The following MACF1 variants were observed in gnomAD, a reference collection of about 807,000 sequenced individuals.
The protein encoded by MACF1 is microtubule actin crosslinking factor 1, also known as microtubule-actin cross-linking factor 1.
In MACF1, 193 loss-of-function variants were observed where a neutral mutation model predicts 854.8. That is an observed-to-expected ratio of 0.23 (90% CI 0.20 to 0.25). MACF1 has a LOEUF of 0.25. MACF1 is among the 10% of genes least tolerant of loss of function. The pLI is 1.00. For missense variants in MACF1, 7,722 were observed against 8,929.1 expected (o/e 0.86, Z 5.45); for synonymous variants, 3,185 against 3,226.7 (o/e 0.99, Z 0.44).
intron 49 of MACF1, among the ~76,000 whole-genome samples, chr1:39,363,102 A>G (rs969413291): frequency 7.2e-5 from 11 of 152,172 alleles, no homozygotes; most frequent in Admixed American, 3.9e-4. Context: ...ATGACCCACT[A>G]TGTACTGTGT....
chr1:39,290,665 CTTTT>C (rs71060307), intron 15 of MACF1, among the ~76,000 whole-genome samples: 4 of 59,380 alleles, frequency 6.7e-5, no homozygotes, highest in Admixed American at 6.0e-4. Context: ...GTTGATGTAA[CTTTT>C]TTTTTTTTTT....
In MACF1 at chr1:39,105,083, C is replaced by G. The variant is rs1009573965; in HGVS notation, c.220+20645C>G. Among the ~76,000 whole-genome samples the G allele has an allele frequency of 6.6e-6, 1 of 152,178 alleles. No individual in the cohort carries two copies. The highest frequency in any genetic ancestry group is 2.4e-5 in the African/African-American group (1 of 41,472). On this transcript the variant is annotated intron_variant, in intron 2 of 93. Coordinates refer to the MACF1 transcript ENST00000361689. The surrounding 1 kb of genome is among the most constrained non-coding windows in gnomAD (Gnocchi z 5.9). ...TCTCCCTGCCGTTCGGCCGGCCCAG[C>G]CTTTCATCCTGACGCGCGGGGCCTC...
At chr1:39,463,127 A>T (rs1377846654) in intron 93 of MACF1, among the ~76,000 whole-genome samples, 2 of 152,210 alleles carry the variant, frequency 1.3e-5, no homozygotes, top group African/African-American at 4.8e-5. Context: ...TTCACTTAGT[A>T]AGAAGAACAT....
At chr1:39,441,350 A>G in intron 74 of MACF1, 25 bp downstream of exon 74, 1 of 1,571,980 alleles carries the variant, frequency 6.4e-7, no homozygotes. Flanking sequence ...GGTGACCACC[A>G]AGGAAATACA....
At chr1:39,213,643 A>G (rs1644542501) in intron 1 of MACF1, among the ~76,000 whole-genome samples, 1 of 152,194 alleles carries the variant, frequency 6.6e-6, no homozygotes, top group African/African-American at 2.4e-5. Flanking sequence ...AGTCTCACTC[A>G]GGGAATTTAA....
At chr1:39,365,832 C>G (rs1293670105) in intron 49 of MACF1, among the ~76,000 whole-genome samples, 3 of 152,064 alleles carry the variant, frequency 2.0e-5, no homozygotes, top group South Asian at 4.2e-4. Flanking sequence ...CCTGCCACCA[C>G]GCCTGGCTAA....
At chr1:39,361,810 G>T in intron 49 of MACF1, 133 bp downstream of exon 49, 1 of 826,430 alleles carries the variant, frequency 1.2e-6, no homozygotes, top group Non-Finnish European at 1.9e-6. Flanking sequence ...AATTATTACA[G>T]TGATCCCGTA....
At chr1:39,186,532 A>G (rs1319025013) in intron 2 of MACF1, among the ~76,000 whole-genome samples, 2 of 152,088 alleles carry the variant, frequency 1.3e-5, no homozygotes, top group Non-Finnish European at 1.5e-5. Context: ...ATAACATTAA[A>G]TCAAAATTAT....
chr1:39,325,406 G>A (rs1646590924), intron 35 of MACF1, among the ~76,000 whole-genome samples: 1 of 152,190 alleles, frequency 6.6e-6, no homozygotes, highest in South Asian at 2.1e-4. Context: ...AGTATGGTGA[G>A]GAGCACATTG....
chr1:39,158,391 GCTGTATTC>G (rs1643731840), intron 2 of MACF1, among the ~76,000 whole-genome samples: 1 of 152,170 alleles, frequency 6.6e-6, no homozygotes, highest in African/African-American at 2.4e-5. Flanking sequence ...CTGTTGTGTG[GCTGTATTC>G]CAGTCCGTAA....
chr1:39,317,000 C>T (rs1183988117), intron 28 of MACF1, among the ~76,000 whole-genome samples: 1 of 152,224 alleles, frequency 6.6e-6, no homozygotes, highest in Non-Finnish European at 1.5e-5. Context: ...ATGCACATTT[C>T]TCTATAGAGT....
In MACF1 at chr1:39,340,613, G is replaced by T; in HGVS notation, c.10327G>T (p.Ala3443Ser). Reference sequence around the variant, plus strand: ...AGAAGTTCCTGCTCAACTGTTGAAGGCTCTAGAGAAAGATGCCAAGAATCT... The same window carrying T: ...AGAAGTTCCTGCTCAACTGTTGAAGTCTCTAGAGAAAGATGCCAAGAATCT... ...PQEVPAQLLK[A>S]LEKDAKNLQK... The change falls in exon 39 of 101, where the codon GCT (alanine) becomes TCT (serine). Residue 3443 changes from alanine to serine, a missense_variant. Physicochemically the swap from Ala to Ser is moderately conservative, Grantham distance 99. Coordinates refer to ENST00000564288, the MANE Select transcript of MACF1 (RefSeq NM_001394062.1). The T allele has an allele frequency of 6.2e-7, 1 of 1,614,202 alleles. No homozygotes were observed. Among genetic ancestry groups the T allele is most frequent in the South Asian group, 1.1e-5 (1 of 91,084 alleles).
intron 15 of MACF1, among the ~76,000 whole-genome samples, chr1:39,291,225 C>G (rs1272042859): frequency 6.6e-6 from 1 of 152,142 alleles, no homozygotes; most frequent in Non-Finnish European, 1.5e-5. Flanking sequence ...GATCCACCTG[C>G]CTCAGCCCCC....
intron 2 of MACF1, among the ~76,000 whole-genome samples, chr1:39,185,184 C>T (rs540546452): frequency 3.3e-5 from 5 of 151,270 alleles, no homozygotes; most frequent in East Asian, 1.9e-4. Flanking sequence ...CCCAGCTACA[C>T]GGGAGGCTGA....
At chr1:39,114,964 A>G (rs1461336076) in intron 2 of MACF1, among the ~76,000 whole-genome samples, 1 of 152,192 alleles carries the variant, frequency 6.6e-6, no homozygotes, top group African/African-American at 2.4e-5. Context: ...TAAGGGGATG[A>G]GCAAGCTTGA....
intron 2 of MACF1, among the ~76,000 whole-genome samples, chr1:39,094,884 G>A (rs763679273): frequency 6.6e-6 from 1 of 151,998 alleles, no homozygotes; most frequent in African/African-American, 2.4e-5. Context: ...GAGTGAGACC[G>A]GATCTCAAAA....
At chr1:39,099,676 G>A (rs898350164) in intron 2 of MACF1, among the ~76,000 whole-genome samples, 3 of 152,202 alleles carry the variant, frequency 2.0e-5, no homozygotes, top group Non-Finnish European at 2.9e-5. Context: ...TCTTGAATCA[G>A]ATCTGGCTCC....
intron 2 of MACF1, among the ~76,000 whole-genome samples, chr1:39,095,019 ATCTTC>A: frequency 6.6e-6 from 1 of 152,154 alleles, no homozygotes; most frequent in South Asian, 2.1e-4. Context: ...CCCTTCAGGA[ATCTTC>A]ACGAGTTGTT....
At chr1:39,309,494 C>T in intron 23 of MACF1, 76 bp from the exon 24 acceptor site, 1 of 1,557,326 alleles carries the variant, frequency 6.4e-7, no homozygotes, top group Non-Finnish European at 8.8e-7. Flanking sequence ...AAGGCAATCA[C>T]ATTTTTCCTT....
Sources: gnomAD v4.1 joint callset for allele counts (sites outside exome capture counted in the v4.1 genomes callset) on GRCh38, gnomAD v4.1.1 for gene constraint, Gnocchi (gnomAD v3.1) non-coding constraint, MANE v1.5 for transcripts, NCBI Gene and HGNC (gene_info 2026-07-23, HGNC 2026-07-21) for gene names.